Variants in ZKSCAN7 observed in about 807,000 individuals in gnomAD.
ZKSCAN7 encodes the protein zinc finger protein with KRAB and SCAN domains 7.
ZKSCAN7 carries 38 observed loss-of-function variants against 65.3 expected under a neutral mutation model. That is an observed-to-expected ratio of 0.58 (90% CI 0.45 to 0.76). ZKSCAN7 has a LOEUF of 0.76. ZKSCAN7 is among the 30% of genes least tolerant of loss of function. ZKSCAN7 has a pLI of 0.00. For missense variants in ZKSCAN7, 815 were observed against 913.3 expected, an observed-to-expected ratio of 0.89 and a Z score of 1.39; for synonymous variants, 321 against 321.0, an observed-to-expected ratio of 1.00 and a Z score of 0.00.
At chr3:44,566,746 TCCTC>T (rs1054316161) in intron 3 of ZKSCAN7, among the ~76,000 whole-genome samples, 48 of 151,456 alleles carry the variant, frequency 3.2e-4, no homozygotes, top group African/African-American at 1.1e-3. Flanking sequence ...GCTCAAGAAA[TCCTC>T]CCACCATGGC....
At chr3:44,579,718 G>A (rs1013369073) in intron 5 of ZKSCAN7, among the ~76,000 whole-genome samples, 2 of 152,168 alleles carry the variant, frequency 1.3e-5, no homozygotes, top group African/African-American at 4.8e-5. Flanking sequence ...CTGTGACATC[G>A]TAACATGCAG....
intron 5 of ZKSCAN7, chr3:44,580,803 A>G: frequency 1.2e-5 from 20 of 1,613,000 alleles, no homozygotes; most frequent in Non-Finnish European, 1.5e-5. Context: ...CTCGTAAAGG[A>G]TGAAGAACTG....
intron 5 of ZKSCAN7, chr3:44,580,571 G>T: frequency 6.2e-7 from 1 of 1,613,930 alleles, no homozygotes; most frequent in East Asian, 2.2e-5. Context: ...GATTCTGCTT[G>T]TTGGTCCGGG....
At chr3:44,564,824 G>A (rs146658935) in intron 2 of ZKSCAN7, among the ~76,000 whole-genome samples, 253 of 150,888 alleles carry the variant, frequency 1.7e-3, no homozygotes, top group African/African-American at 5.7e-3. Context: ...TTTTTGAGAC[G>A]GAGTCTCGCT....
At chr3:44,582,678 G>A (rs779853646) in intron 5 of ZKSCAN7, among the ~76,000 whole-genome samples, 14 of 152,172 alleles carry the variant, frequency 9.2e-5, no homozygotes, top group Non-Finnish European at 2.1e-4. Context: ...GCTGGATACA[G>A]GCAGGCTGGA....
intron 2 of ZKSCAN7, among the ~76,000 whole-genome samples, chr3:44,560,667 C>T (rs1699448644): frequency 6.6e-6 from 1 of 152,066 alleles, no homozygotes; most frequent in African/African-American, 2.4e-5. Flanking sequence ...TGCCACCACG[C>T]CCAGCTAATT....
chr3:44,569,328 A>T (rs1404241598), intron 5 of ZKSCAN7, among the ~76,000 whole-genome samples: 2 of 152,192 alleles, frequency 1.3e-5, no homozygotes, highest in African/African-American at 2.4e-5. Context: ...GGCTTCTTGG[A>T]AGGGCAGATC....
rs1699312093 is a variant in ZKSCAN7 at position 44,556,986 on chromosome 3, C to A, written c.-62C>A. Reference sequence around the variant, plus strand: ...TGAAAAACAGTTCCTGAGACCTGAACTATTGACCATCATTTTAATCGGACC... The same window carrying A: ...TGAAAAACAGTTCCTGAGACCTGAAATATTGACCATCATTTTAATCGGACC... On this transcript the variant is annotated 5_prime_UTR_variant, in exon 2 of 6. Transcript: ENST00000426540. 1 of 1,607,524 alleles carries A rather than the reference C, an allele frequency of 6.2e-7. No individual in the cohort carries two copies. Among genetic ancestry groups the A allele is most frequent in the East Asian group, 2.2e-5 (1 of 44,864 alleles).
At chr3:44,566,756 A>G (rs1352816520) in intron 3 of ZKSCAN7, among the ~76,000 whole-genome samples, 1 of 151,146 alleles carries the variant, frequency 6.6e-6, no homozygotes, top group Non-Finnish European at 1.5e-5. Flanking sequence ...TCCTCCCACC[A>G]TGGCCTCTTA....
rs1219971663 is a variant in ZKSCAN7 at position 44,570,826 on chromosome 3, C to G, written c.1716C>G (p.Leu572=). ...RSKCLIRHQS[L]HTGEKPYKCS... ...AATGTCTTATTCGACATCAGAGCCT[C>G]CATACTGGGGAAAAGCCATACAAAT... The change falls in exon 6 of 6, where the codon CTC becomes CTG. Residue 572 remains leucine (L), a synonymous_variant. Coordinates refer to ENST00000426540, the MANE Select transcript of ZKSCAN7 (RefSeq NM_001288590.2). 6.2e-6 allele frequency: 10 copies of G among 1,614,020 alleles called. No individual in the cohort carries two copies. The highest frequency in any genetic ancestry group is 8.5e-6 in the Non-Finnish European group (10 of 1,180,050).
At chr3:44,567,515 G>A (rs951467745) in intron 3 of ZKSCAN7, among the ~76,000 whole-genome samples, 6 of 152,170 alleles carry the variant, frequency 3.9e-5, no homozygotes, top group Non-Finnish European at 7.3e-5. Flanking sequence ...GATTGCTGAC[G>A]GAAAGAACAA....
At chr3:44,558,530 A>G in intron 2 of ZKSCAN7, among the ~76,000 whole-genome samples, 1 of 151,736 alleles carries the variant, frequency 6.6e-6, no homozygotes, top group East Asian at 1.9e-4. Flanking sequence ...ATCTCAAAAA[A>G]AAAAAAAAAG....
At position 44,568,009 on chromosome 3, in the gene ZKSCAN7, C is replaced by CTTGG. The variant is rs1699683850; in HGVS notation, c.684+9_684+12dup. On this transcript the variant is annotated splice_region_variant and intron_variant, in intron 4 of 5. Coordinates refer to ENST00000426540, the MANE Select transcript of ZKSCAN7 (RefSeq NM_001288590.2). ...TTCGGATGGTCAGGCCCCAGGTGAG[C>CTTGG]TTGGTTCTTTGTGTTTTTACCAAGT... 7.1e-7 allele frequency: 1 copy of CTTGG among 1,403,242 alleles called. No individual in the cohort carries two copies. Among genetic ancestry groups the CTTGG allele is most frequent in the African/African-American group, 1.4e-5 (1 of 69,086 alleles). 86.9% of individuals were successfully genotyped at this position (1,403,242 alleles called of 1,614,324 possible). A position where few individuals can be genotyped will look rare whatever the true frequency, so the allele number is the denominator to read the frequency against.
In ZKSCAN7 at chr3:44,571,729, C is replaced by T; in HGVS notation, c.*354C>T. 1 of 1,069,166 alleles carries T rather than the reference C, an allele frequency of 9.4e-7. No homozygotes were observed. The highest frequency in any genetic ancestry group is 1.1e-6 in the Non-Finnish European group (1 of 881,114). 66.2% of individuals were successfully genotyped at this position (1,069,166 alleles called of 1,614,324 possible). On this transcript the variant is annotated 3_prime_UTR_variant, in exon 6 of 6. Coordinates refer to ENST00000426540, the MANE Select transcript of ZKSCAN7 (RefSeq NM_001288590.2). ...CTATTCTATTCTACTTCCTCCATTT[C>T]ACCATTTATACAAAGTCATTCAAAA...
intron 2 of ZKSCAN7, among the ~76,000 whole-genome samples, chr3:44,564,321 A>G (rs1699568123): frequency 6.6e-6 from 1 of 152,238 alleles, no homozygotes; most frequent in African/African-American, 2.4e-5. Flanking sequence ...GGGGAGAAGT[A>G]GTACATATTG....
Position 44,568,432 on chromosome 3 carries a change from G to A in ZKSCAN7, c.810G>A (p.Leu270=). The A allele has an allele frequency of 6.2e-7, 1 of 1,613,132 alleles. No homozygotes were observed. Among genetic ancestry groups the A allele is most frequent in the Non-Finnish European group, 8.5e-7 (1 of 1,179,558 alleles). ...AAAATCACCATAGCATGGCCTCCTT[G>A]GGTAATGATTCTGTTTCCTAGTCAC... The part of the protein sequence containing the change: ...MPENHHSMAS[L]AGENMMKGSE... Residue 270 remains leucine (L), a splice_region_variant and synonymous_variant, in exon 5 of 6, where the codon TTG becomes TTA. Transcript: ENST00000426540.
At position 44,569,990 on chromosome 3, in the gene ZKSCAN7, T is replaced by G. The variant is rs760784543; in HGVS notation, c.880T>G (p.Ser294Ala). 3.7e-6 allele frequency: 6 copies of G among 1,606,640 alleles called. No individual in the cohort carries two copies. In the Admixed American group the frequency reaches 8.5e-5, roughly 23 times the overall value. The part of the protein sequence containing the change: ...KQEFFKGSES[S>A]NRTSGGLFGV... ...GGAATTTTTTAAAGGATCAGAGTCA[T>G]CTAACAGGACATCAGGGGGACTCTT... Residue 294 changes from serine (S) to alanine (A), a missense_variant, in exon 6 of 6, where the codon TCT (serine) becomes GCT (alanine). By Grantham distance (99) the Ser-to-Ala change is moderately conservative (BLOSUM62 1). Coordinates refer to ENST00000426540, the MANE Select transcript of ZKSCAN7 (RefSeq NM_001288590.2).
rs2125707034 is a variant in ZKSCAN7, at chr3:44,556,932, C to A, written c.-116C>A. The A allele has an allele frequency of 7.4e-7, 1 of 1,353,734 alleles. No homozygotes were observed. The highest frequency in any genetic ancestry group is 1.0e-6 in the Non-Finnish European group (1 of 963,556). The allele number at this position is 1,353,734 out of a possible 1,614,324, so 83.9% of individuals were successfully genotyped here. A position where few individuals can be genotyped will look rare whatever the true frequency, so the allele number is the denominator to read the frequency against. ...TGATTTCACTCTTGTTTCTGTAGGC[C>A]ACACTACCATCACCCCTTTCTCCAA... On this transcript the variant is annotated splice_region_variant and 5_prime_UTR_variant, in exon 2 of 6. Transcript: ENST00000426540.
chr3:44,578,157 C>A, intron 5 of ZKSCAN7: 1 of 1,520,364 alleles, frequency 6.6e-7, no homozygotes, highest in Non-Finnish European at 9.1e-7. Flanking sequence ...TTTCAACCTG[C>A]TGATGTCACA....
Sources: gnomAD v4.1 joint callset for allele counts (sites outside exome capture counted in the v4.1 genomes callset) on GRCh38, gnomAD v4.1.1 for gene constraint, MANE v1.5 for transcripts, NCBI Gene and HGNC (gene_info 2026-07-23, HGNC 2026-07-21) for gene names.